The following PDE10A variants were observed in gnomAD, a reference collection of about 807,000 sequenced individuals.
PDE10A encodes cAMP and cAMP-inhibited cGMP 3',5'-cyclic phosphodiesterase 10A.
Under a neutral mutation model 97.7 loss-of-function variants are expected in PDE10A, and 39 were observed. The ratio of observed to expected loss-of-function variants is 0.40; its 90% confidence interval spans 0.31 to 0.52. The LOEUF is 0.52. Ranked by LOEUF, PDE10A falls within the 20% of genes least tolerant of loss-of-function variation. PDE10A has a pLI of 0.56. For synonymous variants in PDE10A, 371 were observed against 376.8 expected, an observed-to-expected ratio of 0.98 and a Z score of 0.18; for missense variants, 731 against 1,047.8, an observed-to-expected ratio of 0.70 and a Z score of 4.17.
intron 1 of PDE10A, among the ~76,000 whole-genome samples, chr6:165,752,129 C>CAAAAAAAAAAAAAAAAAAA (rs58229023): frequency 1.5e-5 from 1 of 66,356 alleles, no homozygotes; most frequent in Non-Finnish European, 3.0e-5. Flanking sequence ...GGCAACAGAG[C>CAAAAAAAAAAAAAAAAAAA]AAAAAAAAAA....
chr6:165,610,987 C>T (rs527594086), intron 1 of PDE10A, among the ~76,000 whole-genome samples: 60 of 151,966 alleles, frequency 3.9e-4, no homozygotes, highest in African/African-American at 1.3e-3. Context: ...GGGAGAGTTG[C>T]GAGTCTACGT....
rs957927380 is a variant in PDE10A at position 165,567,999 on chromosome 6, T to C, written c.866-24431A>G. Among the ~76,000 whole-genome samples, 51 of 140,154 alleles carry C rather than the reference T, an allele frequency of 3.6e-4. 2 individuals carry two copies. The highest frequency in any genetic ancestry group is 2.0e-3 in the South Asian group (8 of 4,008). 91.9% of individuals were successfully genotyped at this position (140,154 alleles called of 152,430 possible). ...CAATAGGTACGCAACAAGGCATTTT[T>C]TTTTTTTTTTTTTTTTTGAGACGGA... On this transcript the variant is annotated intron_variant, in intron 1 of 21. Coordinates refer to ENST00000539869, the MANE Select transcript of PDE10A (RefSeq NM_001385079.1).
intron 2 of PDE10A, among the ~76,000 whole-genome samples, chr6:165,488,162 A>C (rs1780027337): frequency 6.6e-6 from 1 of 152,104 alleles, no homozygotes; most frequent in Non-Finnish European, 1.5e-5. Flanking sequence ...CTTATCTCTG[A>C]CCTCAATAAA....
intron 1 of PDE10A, among the ~76,000 whole-genome samples, chr6:165,636,573 C>T (rs1460314351): frequency 6.6e-6 from 1 of 152,198 alleles, no homozygotes; most frequent in Non-Finnish European, 1.5e-5. Flanking sequence ...CAGGCTGAGG[C>T]CCCAACTGTA....
chr6:165,742,078 T>C (rs1160610300), intron 1 of PDE10A, among the ~76,000 whole-genome samples: 1 of 152,232 alleles, frequency 6.6e-6, no homozygotes, highest in Non-Finnish European at 1.5e-5. Context: ...GTAAGTACTC[T>C]ATATGCATCA....
intron 19 of PDE10A, among the ~76,000 whole-genome samples, chr6:165,339,720 A>G (rs1195958256): frequency 6.6e-6 from 1 of 152,228 alleles, no homozygotes; most frequent in Non-Finnish European, 1.5e-5. Context: ...TGATCTTCCA[A>G]GTGCATGGAA....
intron 1 of PDE10A, among the ~76,000 whole-genome samples, chr6:165,652,313 A>G (rs894592402): frequency 6.6e-6 from 1 of 150,912 alleles, no homozygotes; most frequent in Admixed American, 6.6e-5. Flanking sequence ...CTACAGTGCA[A>G]TGGTGTGATC....
intron 1 of PDE10A, among the ~76,000 whole-genome samples, chr6:165,722,574 T>A (rs972215299): frequency 2.6e-5 from 4 of 152,210 alleles, no homozygotes; most frequent in African/African-American, 9.6e-5. Flanking sequence ...TATAACAACA[T>A]ACTGTCATAA....
At chr6:165,687,335 G>A (rs899832339) in intron 1 of PDE10A, among the ~76,000 whole-genome samples, 1 of 152,220 alleles carries the variant, frequency 6.6e-6, no homozygotes, top group Non-Finnish European at 1.5e-5. Flanking sequence ...TCAAAGGGAA[G>A]GAAGCTACAG....
chr6:165,586,856 A>C (rs1376842634), intron 1 of PDE10A, among the ~76,000 whole-genome samples: 2 of 152,190 alleles, frequency 1.3e-5, no homozygotes, highest in East Asian at 3.8e-4. Flanking sequence ...TCTTTCTTAT[A>C]TAACTCTTTT....
chr6:165,759,709 C>T (rs1793206824), intron 1 of PDE10A, among the ~76,000 whole-genome samples: 1 of 152,202 alleles, frequency 6.6e-6, no homozygotes, highest in African/African-American at 2.4e-5. Context: ...ATAACAGCAT[C>T]TGAAAGGACT....
chr6:165,803,592 C>T (rs957427111), intron 1 of PDE10A, among the ~76,000 whole-genome samples: 2 of 152,230 alleles, frequency 1.3e-5, no homozygotes, highest in African/African-American at 4.8e-5. Flanking sequence ...AGCTTGTAAC[C>T]TAGCCTGGAA....
chr6:165,712,631 C>CTTTTTTTTTTTTTTTT, intron 1 of PDE10A, among the ~76,000 whole-genome samples: 1 of 88,972 alleles, frequency 1.1e-5, no homozygotes, highest in African/African-American at 4.5e-5. Flanking sequence ...AACTTTCTTT[C>CTTTTTTTTTTTTTTTT]TTTTTTTTTT....
At chr6:165,933,696 A>G (rs542785474) in intron 1 of PDE10A, among the ~76,000 whole-genome samples, 1 of 152,368 alleles carries the variant, frequency 6.6e-6, no homozygotes, top group South Asian at 2.1e-4. Flanking sequence ...CAAGTTTCAT[A>G]GAATATACAC....
At chr6:165,337,174 G>A (rs1228577657) in intron 20 of PDE10A, among the ~76,000 whole-genome samples, 6 of 151,964 alleles carry the variant, frequency 3.9e-5, no homozygotes, top group Non-Finnish European at 8.8e-5. Flanking sequence ...ATTTTATTAG[G>A]AATTCTGGGT....
intron 1 of PDE10A, among the ~76,000 whole-genome samples, chr6:165,832,048 C>A (rs186159442): frequency 6.6e-6 from 1 of 152,170 alleles, no homozygotes; most frequent in South Asian, 2.1e-4. Flanking sequence ...AGGACTGTTA[C>A]AATGAGACAT....
At chr6:165,619,059 GTAGTGTAGTGTAGTGTAGTC>G (rs1351447825) in intron 1 of PDE10A, among the ~76,000 whole-genome samples, 1,437 of 143,182 alleles carry the variant, frequency 0.01, 28 homozygotes, top group African/African-American at 0.034. Flanking sequence ...CTAGTGTGGT[GTAGTGTAGTGTAGTGTAGTC>G]TAGTGTAGTC....
At chr6:165,752,093 A>T (rs1793016721) in intron 1 of PDE10A, among the ~76,000 whole-genome samples, 1 of 147,178 alleles carries the variant, frequency 6.8e-6, no homozygotes. Context: ...CAGTGAGCCA[A>T]GATCACGCCA....
chr6:165,784,946 G>A (rs2128462454), intron 1 of PDE10A, among the ~76,000 whole-genome samples: 1 of 152,284 alleles, frequency 6.6e-6, no homozygotes, highest in Middle Eastern at 3.4e-3. Context: ...AGAAGACCAG[G>A]AACCAATGCT....
Sources: allele counts gnomAD v4.1 joint callset (sites outside exome capture counted in the v4.1 genomes callset), GRCh38; gene constraint gnomAD v4.1.1; transcripts MANE v1.5; gene names NCBI Gene and HGNC (gene_info 2026-07-23, HGNC 2026-07-21).